The following COLGALT2 variants were observed in gnomAD, a reference collection of about 807,000 sequenced individuals.
COLGALT2 encodes the protein procollagen galactosyltransferase 2.
COLGALT2 carries 49 observed loss-of-function variants against 73.4 expected under a neutral mutation model. That is an observed-to-expected ratio of 0.67 (90% CI 0.53 to 0.85). The LOEUF (loss-of-function observed/expected upper bound fraction) is 0.85, where lower values mean the gene tolerates loss of function less well. Among genes scored for constraint, COLGALT2 ranks in the 40% least tolerant of loss-of-function variants. The pLI is 0.00. For synonymous variants in COLGALT2, 295 were observed against 307.6 expected (o/e 0.96, Z 0.43); for missense variants, 722 against 790.2 (o/e 0.91, Z 1.03).
chr1:184,023,971 T>A (rs1021805357), intron 1 of COLGALT2, among the ~76,000 whole-genome samples: 1 of 152,180 alleles, frequency 6.6e-6, no homozygotes, highest in Non-Finnish European at 1.5e-5. Flanking sequence ...ATATGAATCA[T>A]CAGTCTAATC....
At chr1:183,959,153 C>T (rs1407420831) in intron 6 of COLGALT2, among the ~76,000 whole-genome samples, 4 of 152,194 alleles carry the variant, frequency 2.6e-5, no homozygotes, top group Non-Finnish European at 5.9e-5. Flanking sequence ...TGAAACACTT[C>T]TCAATTTTTC....
At chr1:183,980,314 T>A (rs1419709842) in intron 1 of COLGALT2, among the ~76,000 whole-genome samples, 1 of 151,634 alleles carries the variant, frequency 6.6e-6, no homozygotes, top group Admixed American at 6.6e-5. Flanking sequence ...TTGAGAAAGA[T>A]CAATAAAAGA....
At chr1:183,962,159 T>TTTTC (rs1670725840) in intron 6 of COLGALT2, among the ~76,000 whole-genome samples, 1 of 125,968 alleles carries the variant, frequency 7.9e-6, no homozygotes, top group Non-Finnish European at 1.7e-5. Flanking sequence ...TCTTTCTTTT[T>TTTTC]TTTTTTTTTT....
chr1:183,944,429 A>G, intron 9 of COLGALT2, 106 bp from the exon 10 acceptor site: 2 of 1,280,354 alleles, frequency 1.6e-6, no homozygotes, highest in South Asian at 3.0e-5. Flanking sequence ...ACAGATTCAT[A>G]ACTGGAATCT....
At chr1:183,959,555 A>G (rs1046310180) in intron 6 of COLGALT2, among the ~76,000 whole-genome samples, 2 of 151,804 alleles carry the variant, frequency 1.3e-5, no homozygotes, top group Non-Finnish European at 2.9e-5. Context: ...CCACCAAAAT[A>G]TATCCTCAAC....
At chr1:184,018,201 T>A (rs1414523526) in intron 1 of COLGALT2, among the ~76,000 whole-genome samples, 1 of 152,016 alleles carries the variant, frequency 6.6e-6, no homozygotes, top group Non-Finnish European at 1.5e-5. Flanking sequence ...GACCAAAAGC[T>A]CGAGGCTGCA....
At chr1:183,960,185 T>A (rs1014690702) in intron 6 of COLGALT2, among the ~76,000 whole-genome samples, 3 of 147,674 alleles carry the variant, frequency 2.0e-5, no homozygotes, top group Non-Finnish European at 4.5e-5. Context: ...CTTCTTTAGC[T>A]GAAGAAGAAT....
intron 10 of COLGALT2, among the ~76,000 whole-genome samples, chr1:183,943,718 G>A (rs1297047595): frequency 6.6e-6 from 1 of 152,154 alleles, no homozygotes; most frequent in Non-Finnish European, 1.5e-5. Flanking sequence ...TTTCCCAACA[G>A]AGGAGCTCCC....
At chr1:183,968,928 G>C (rs1032207383) in intron 5 of COLGALT2, among the ~76,000 whole-genome samples, 4 of 152,138 alleles carry the variant, frequency 2.6e-5, no homozygotes, top group Non-Finnish European at 5.9e-5. Context: ...TTAGGCCTCT[G>C]TGACAGTTTC....
At chr1:183,941,813 C>T (rs529676016) in intron 10 of COLGALT2, among the ~76,000 whole-genome samples, 1 of 152,322 alleles carries the variant, frequency 6.6e-6, no homozygotes, top group South Asian at 2.1e-4. Flanking sequence ...TCTTATCGAG[C>T]ACTTGAGAGG....
intron 7 of COLGALT2, 138 bp from the exon 8 acceptor site, chr1:183,951,251 A>C: frequency 1.5e-6 from 1 of 654,390 alleles, no homozygotes. Flanking sequence ...ATTCATTTCT[A>C]TCTCACATCA....
At chr1:183,957,021 A>C (rs916284448) in intron 6 of COLGALT2, among the ~76,000 whole-genome samples, 1 of 152,118 alleles carries the variant, frequency 6.6e-6, no homozygotes, top group Non-Finnish European at 1.5e-5. Context: ...CTTCCTGGAA[A>C]TAATCCTTCC....
At position 183,964,258 on chromosome 1, in the gene COLGALT2, T is replaced by C. The variant is rs945050451; in HGVS notation, c.833-238A>G. On this transcript the variant is annotated intron_variant, in intron 5 of 11. Coordinates refer to ENST00000361927, the MANE Select transcript of COLGALT2 (RefSeq NM_015101.4). ...TTCAGCCCAGAGGAAATTGATTTTT[T>C]CCCTCTGAAGAAAAAGCAAACTCAT... 7 of 433,404 alleles carry C rather than the reference T, an allele frequency of 1.6e-5. No homozygotes were observed. The East Asian group carries it at 1.7e-4, about 11-fold the overall frequency. 26.8% of individuals were successfully genotyped at this position (433,404 alleles called of 1,614,324 possible). A position where few individuals can be genotyped will look rare whatever the true frequency, so the allele number is the denominator to read the frequency against.
chr1:184,033,095 G>C (rs923720390), intron 1 of COLGALT2, among the ~76,000 whole-genome samples: 4 of 152,180 alleles, frequency 2.6e-5, no homozygotes, highest in South Asian at 4.1e-4. Context: ...ACTGCCTTGT[G>C]CCTGCACAGA....
chr1:183,936,205 G>A lies in COLGALT2; in HGVS notation c.*2556C>T. The A allele has an allele frequency of 3.0e-6, 3 of 985,520 alleles. No individual in the cohort carries two copies. The highest frequency in any genetic ancestry group is 3.6e-6 in the Non-Finnish European group (3 of 829,988). The allele number at this position is 985,520 out of a possible 1,614,324, so 61.0% of individuals were successfully genotyped here. ...TATACTGACGCCCTCACATGACACT[G>A]CAAAGGTCAAATGTCAAAGGTCAAA... On this transcript the variant is annotated 3_prime_UTR_variant, in exon 12 of 12. Coordinates refer to ENST00000361927, the MANE Select transcript of COLGALT2 (RefSeq NM_015101.4).
chr1:184,037,105 T>C lies in COLGALT2; in HGVS notation c.253A>G (p.Met85Val). 6.3e-7 allele frequency: 1 copy of C among 1,582,384 alleles called. No homozygotes were observed. Among genetic ancestry groups the C allele is most frequent in the Non-Finnish European group, 8.6e-7 (1 of 1,167,590 alleles). ...CCCGTGCGCGCTCACCAGATGGCCATCCTGCTCTTGGGGTAGTCCAGCCGC... is the reference window on the plus strand; with the variant it reads ...CCCGTGCGCGCTCACCAGATGGCCACCCTGCTCTTGGGGTAGTCCAGCCGC... ...LERLDYPKSR[M>V]AIWAATDHNV... The change falls in exon 1 of 12, where the codon ATG (methionine) becomes GTG (valine). Residue 85 changes from methionine (M) to valine (V), a missense_variant. Physicochemically the swap from Met to Val is conservative, Grantham distance 21. Coordinates refer to ENST00000361927, the MANE Select transcript of COLGALT2 (RefSeq NM_015101.4).
intron 3 of COLGALT2, among the ~76,000 whole-genome samples, chr1:183,974,776 G>A (rs1671143025): frequency 6.6e-6 from 1 of 152,162 alleles, no homozygotes; most frequent in African/African-American, 2.4e-5. Context: ...AAAGTTGTAA[G>A]AACAACTTAC....
chr1:183,948,756 G>T (rs1007121692), intron 8 of COLGALT2, among the ~76,000 whole-genome samples: 3 of 152,094 alleles, frequency 2.0e-5, no homozygotes. Context: ...ATGGTATCCA[G>T]GTTTGAAAGG....
At chr1:183,968,046 T>C (rs1670929571) in intron 5 of COLGALT2, among the ~76,000 whole-genome samples, 2 of 152,214 alleles carry the variant, frequency 1.3e-5, no homozygotes, top group African/African-American at 2.4e-5. Context: ...GAGAGTCTGA[T>C]GTGTGAATTG....
Sources: gnomAD v4.1 joint callset for allele counts (sites outside exome capture counted in the v4.1 genomes callset) on GRCh38, gnomAD v4.1.1 for gene constraint, MANE v1.5 for transcripts, NCBI Gene and HGNC (gene_info 2026-07-23, HGNC 2026-07-21) for gene names.